Variants in FRMD4B observed in about 807,000 individuals in gnomAD.
FRMD4B encodes the protein FERM domain containing 4B, also known as FERM domain-containing protein 4B.
Under a neutral mutation model 141.5 loss-of-function variants are expected in FRMD4B, and 74 were observed. That is an observed-to-expected ratio of 0.52 (90% CI 0.43 to 0.63). FRMD4B has a LOEUF of 0.63. FRMD4B is among the 30% of genes least tolerant of loss of function. FRMD4B has a pLI of 0.00. For synonymous variants in FRMD4B, 506 were observed against 467.9 expected (o/e 1.08, Z -1.05); for missense variants, 1,366 against 1,253.4 (o/e 1.09, Z -1.36).
At chr3:69,409,132 T>G (rs980199613) in intron 2 of FRMD4B, among the ~76,000 whole-genome samples, 1 of 152,144 alleles carries the variant, frequency 6.6e-6, no homozygotes, top group African/African-American at 2.4e-5. Flanking sequence ...ATTCCACTAC[T>G]CAGTCTCAGC....
Position 69,457,993 on chromosome 3 carries a change from ATCTT to A in FRMD4B, c.-128-25236_-128-25233del, listed in dbSNP as rs1341300215. On this transcript the variant is annotated intron_variant, in intron 1 of 5. Coordinates refer to the FRMD4B transcript ENST00000459638. ...GGAGCCCCTGGTGCCCATAGAAGCC[ATCTT>A]TCTTGGCTTTTCTCCCTCTCTTGTT... Among the ~76,000 whole-genome samples, 8 of 152,308 alleles carry A rather than the reference ATCTT, an allele frequency of 5.3e-5. No individual in the cohort carries two copies. In the East Asian group the frequency reaches 1.5e-3, roughly 29 times the overall value.
chr3:69,540,086 G>C (rs1189690697), intron 1 of FRMD4B, among the ~76,000 whole-genome samples: 2 of 152,128 alleles, frequency 1.3e-5, no homozygotes, highest in Admixed American at 1.3e-4. Flanking sequence ...CCAGCTACAA[G>C]GGAGGTTGAG....
intron 1 of FRMD4B, among the ~76,000 whole-genome samples, chr3:69,512,070 GA>G (rs1706698456): frequency 6.6e-6 from 1 of 152,178 alleles, no homozygotes; most frequent in African/African-American, 2.4e-5. Context: ...AAAGAATAAA[GA>G]AGAGAGATTT....
At chr3:69,466,011 A>G (rs941295397) in intron 1 of FRMD4B, among the ~76,000 whole-genome samples, 28 of 152,296 alleles carry the variant, frequency 1.8e-4, no homozygotes, top group African/African-American at 6.5e-4. Context: ...TCCCACCAAC[A>G]GTGTAAAAGC....
At chr3:69,175,981 C>T (rs1054108790) in intron 22 of FRMD4B, among the ~76,000 whole-genome samples, 2 of 151,836 alleles carry the variant, frequency 1.3e-5, no homozygotes, top group Admixed American at 1.3e-4. Flanking sequence ...GGGGTTTCAC[C>T]GTGTTAGCCA....
chr3:69,353,777 G>C (rs1013016819), intron 1 of FRMD4B: 1 of 854,652 alleles, frequency 1.2e-6, no homozygotes. Context: ...TTGTTTCTTT[G>C]ATTAGAAACA....
At chr3:69,347,030 G>A (rs933288087) in intron 1 of FRMD4B, among the ~76,000 whole-genome samples, 67 of 152,208 alleles carry the variant, frequency 4.4e-4, no homozygotes, top group Admixed American at 4.3e-3. Context: ...AAAAGATGTA[G>A]ACTGGCAAAT....
At chr3:69,442,532 A>G (rs1705357802) in intron 1 of FRMD4B, among the ~76,000 whole-genome samples, 1 of 152,156 alleles carries the variant, frequency 6.6e-6, no homozygotes, top group African/African-American at 2.4e-5. Flanking sequence ...TCATTCTAAC[A>G]TAGGTAGTCC....
intron 1 of FRMD4B, among the ~76,000 whole-genome samples, chr3:69,498,278 G>A (rs1427914235): frequency 6.6e-6 from 1 of 152,142 alleles, no homozygotes; most frequent in Non-Finnish European, 1.5e-5. Context: ...TTTGCTAATG[G>A]GCGAAGTTTA....
chr3:69,528,244 G>T (rs1575601539), intron 1 of FRMD4B, among the ~76,000 whole-genome samples: 2 of 150,234 alleles, frequency 1.3e-5, no homozygotes, highest in Admixed American at 6.6e-5. Flanking sequence ...CTCCCTCCCT[G>T]CCTCCCTCCC....
At chr3:69,421,348 T>C (rs1704975982) in intron 2 of FRMD4B, among the ~76,000 whole-genome samples, 2 of 152,140 alleles carry the variant, frequency 1.3e-5, no homozygotes. Context: ...TTGAATTAGA[T>C]TAGGGATTGT....
chr3:69,400,569 C>T (rs1042131116), intron 2 of FRMD4B, among the ~76,000 whole-genome samples: 3 of 152,164 alleles, frequency 2.0e-5, no homozygotes, highest in Non-Finnish European at 4.4e-5. Flanking sequence ...ACAAACACCA[C>T]TGGGGTGCAA....
Position 69,426,854 on chromosome 3 carries a change from G to A in FRMD4B, c.-1+5780C>T, listed in dbSNP as rs546136892. On this transcript the variant is annotated intron_variant, in intron 2 of 5. Coordinates refer to the FRMD4B transcript ENST00000459638. The stretch of plus-strand genomic sequence containing the variant: ...AAGGCCACTTGGCTGAGAAACAGGA[G>A]GGAAAAAGAGCCAAGCAATATGGCT... Among the ~76,000 whole-genome samples the A allele has an allele frequency of 6.5e-4, 99 of 152,280 alleles. 2 individuals are homozygous for A. Among genetic ancestry groups the A allele is most frequent in the African/African-American group, 2.3e-3 (96 of 41,548 alleles).
chr3:69,485,077 A>C (rs1007404004), intron 1 of FRMD4B, among the ~76,000 whole-genome samples: 2 of 152,048 alleles, frequency 1.3e-5, no homozygotes, highest in Non-Finnish European at 2.9e-5. Context: ...GCCAGCTCCC[A>C]GCTGTCCTCA....
intron 5 of FRMD4B, among the ~76,000 whole-genome samples, chr3:69,270,616 A>G (rs1376569648): frequency 2.1e-5 from 3 of 145,116 alleles, no homozygotes. Flanking sequence ...TCCAGGCTAT[A>G]GTGCAGTGGC....
chr3:69,226,293 C>G (rs963008221), intron 7 of FRMD4B, among the ~76,000 whole-genome samples: 1 of 152,164 alleles, frequency 6.6e-6, no homozygotes, highest in Non-Finnish European at 1.5e-5. Flanking sequence ...TCTTGGGAAA[C>G]TGGTTTGTGC....
At chr3:69,328,146 A>T (rs1047249898) in intron 1 of FRMD4B, among the ~76,000 whole-genome samples, 1 of 152,234 alleles carries the variant, frequency 6.6e-6, no homozygotes, top group Non-Finnish European at 1.5e-5. Context: ...ACGAAAGCCC[A>T]CTGTCCCATT....
chr3:69,419,612 A>G lies in FRMD4B; in HGVS notation c.-1+13022T>C, dbSNP rs138467869. On this transcript the variant is annotated intron_variant, in intron 2 of 5. Transcript: ENST00000459638. ...TACCCAAGCCCAAAGGAAAACTGGG[A>G]CTCTCTTACCAGAATGGGGATTGGA... Among the ~76,000 whole-genome samples the G allele has an allele frequency of 9.8e-4, 149 of 152,260 alleles. 1 individual carries two copies. Among genetic ancestry groups the G allele is most frequent in the African/African-American group, 3.4e-3 (142 of 41,564 alleles).
intron 4 of FRMD4B, among the ~76,000 whole-genome samples, chr3:69,298,228 A>G (rs1002367165): frequency 6.6e-6 from 1 of 152,250 alleles, no homozygotes; most frequent in African/African-American, 2.4e-5. Flanking sequence ...CATAAATGCT[A>G]CAATAAATAA....
Sources: allele counts gnomAD v4.1 joint callset (sites outside exome capture counted in the v4.1 genomes callset), GRCh38; gene constraint gnomAD v4.1.1; transcripts MANE v1.5; gene names NCBI Gene and HGNC (gene_info 2026-07-23, HGNC 2026-07-21).